NDUFA5: variants seen among roughly 807,000 people sequenced by gnomAD.
NDUFA5 encodes NADH:ubiquinone oxidoreductase subunit A5.
NDUFA5 carries 11 observed loss-of-function variants against 19.8 expected under a neutral mutation model. The ratio of observed to expected loss-of-function variants is 0.56; its 90% CI spans 0.35 to 0.92. The LOEUF (loss-of-function observed/expected upper bound fraction) is 0.92. NDUFA5 is among the 40% of genes least tolerant of loss of function. The pLI is 0.01. For synonymous variants in NDUFA5, 47 were observed against 46.8 expected (o/e 1.00, Z -0.01); for missense variants, 109 against 134.2 (o/e 0.81, Z 0.93).
chr7:123,565,885 G>A, the NDUFA5 span, among the ~76,000 whole-genome samples: 1 of 152,158 alleles, frequency 6.6e-6, no homozygotes, highest in Admixed American at 6.5e-5. Context: ...CAGGCGTGGT[G>A]GCACGCACCT....
At chr7:123,601,552 T>C in the NDUFA5 span, among the ~76,000 whole-genome samples, 1 of 152,194 alleles carries the variant, frequency 6.6e-6, no homozygotes, top group African/African-American at 2.4e-5. Flanking sequence ...CAAATACCTT[T>C]AAATTGTGCG....
chr7:123,542,280 GAAC>G (rs1000741700), intron 4 of NDUFA5, 60 bp from the exon 5 acceptor site: 17 of 1,252,138 alleles, frequency 1.4e-5, no homozygotes, highest in Middle Eastern at 1.9e-4. Context: ...ATATTTATCA[GAAC>G]AACTGAAATT....
At chr7:123,599,118 T>C in the NDUFA5 span, among the ~76,000 whole-genome samples, 1 of 151,798 alleles carries the variant, frequency 6.6e-6, no homozygotes. Context: ...AATGGTCAAG[T>C]ACAAAAAAGA....
At chr7:123,557,990 G>A, upstream of NDUFA5, 1 of 831,684 alleles carries the variant, frequency 1.2e-6, no homozygotes. Flanking sequence ...GGGCATACAA[G>A]CCTAAAGCTA....
the NDUFA5 span, among the ~76,000 whole-genome samples, chr7:123,572,685 C>G: frequency 6.7e-6 from 1 of 149,674 alleles, no homozygotes; most frequent in Non-Finnish European, 1.5e-5. Context: ...TAAACATTTT[C>G]TTAATATATT....
the NDUFA5 span, among the ~76,000 whole-genome samples, chr7:123,600,383 A>G: frequency 6.6e-6 from 1 of 152,322 alleles, no homozygotes; most frequent in South Asian, 2.1e-4. Flanking sequence ...TACCATCATT[A>G]GTTTAAGAGC....
the NDUFA5 span, among the ~76,000 whole-genome samples, chr7:123,575,816 CT>C: frequency 5.9e-4 from 81 of 136,792 alleles, no homozygotes; most frequent in Non-Finnish European, 6.9e-4. Context: ...ATGAAGTTTT[CT>C]TTTTTTTTTT....
chr7:123,571,113 A>G, the NDUFA5 span, among the ~76,000 whole-genome samples: 1 of 152,202 alleles, frequency 6.6e-6, no homozygotes, highest in African/African-American at 2.4e-5. Flanking sequence ...TTTAAGGAAT[A>G]AATGATCATT....
In NDUFA5 at chr7:123,557,817, A is replaced by G; in HGVS notation, c.-22T>C. 6.2e-7 allele frequency: 1 copy of G among 1,614,066 alleles called. No homozygotes were observed. On this transcript the variant is annotated 5_prime_UTR_variant, in exon 1 of 5. Transcript: ENST00000355749. ...CCATGACAGCGCCAACGACTCGGTG[A>G]CGCACAACCCTTTGGGAACAATTCT...
the NDUFA5 span, among the ~76,000 whole-genome samples, chr7:123,568,452 T>A: frequency 6.8e-6 from 1 of 147,768 alleles, no homozygotes; most frequent in Non-Finnish European, 1.5e-5. Flanking sequence ...CCCGGGAGGG[T>A]GGAGGTTGCA....
At chr7:123,583,352 G>A in the NDUFA5 span, among the ~76,000 whole-genome samples, 1 of 151,918 alleles carries the variant, frequency 6.6e-6, no homozygotes, top group African/African-American at 2.4e-5. Context: ...ATGGGAAGTG[G>A]GAACTAACGG....
At chr7:123,585,912 T>C in the NDUFA5 span, among the ~76,000 whole-genome samples, 1 of 151,820 alleles carries the variant, frequency 6.6e-6, no homozygotes, top group Non-Finnish European at 1.5e-5. Flanking sequence ...CAGAATTTCT[T>C]TTTTCTTAAG....
chr7:123,546,893 CACATAT>C (rs1165824244), intron 3 of NDUFA5: 2 of 422,042 alleles, frequency 4.7e-6, no homozygotes, highest in Non-Finnish European at 9.3e-6. Context: ...GCAAAGACTT[CACATAT>C]ATGATCAAGT....
At chr7:123,581,243 C>A in the NDUFA5 span, among the ~76,000 whole-genome samples, 1 of 151,768 alleles carries the variant, frequency 6.6e-6, no homozygotes, top group Admixed American at 6.6e-5. Context: ...TATGGGAGAT[C>A]TGTAAGCCAC....
chr7:123,551,808 A>G (rs1052403280), intron 2 of NDUFA5, among the ~76,000 whole-genome samples: 2 of 152,174 alleles, frequency 1.3e-5, no homozygotes, highest in African/African-American at 2.4e-5. Context: ...ATCCTCTCCA[A>G]TTTAAATATA....
the NDUFA5 span, among the ~76,000 whole-genome samples, chr7:123,570,264 C>T: frequency 6.6e-6 from 1 of 151,984 alleles, no homozygotes; most frequent in Non-Finnish European, 1.5e-5. Flanking sequence ...TCTAGATCTC[C>T]TGACCTCGTG....
the NDUFA5 span, among the ~76,000 whole-genome samples, chr7:123,566,204 T>C: frequency 1.3e-5 from 2 of 151,938 alleles, no homozygotes; most frequent in South Asian, 4.2e-4. Flanking sequence ...AAGGCAGAGA[T>C]CAGAGTGATG....
In NDUFA5 at chr7:123,549,014, A is replaced by G. The variant is rs117389967; in HGVS notation, c.183+1456T>C. On this transcript the variant is annotated intron_variant, in intron 3 of 4. Transcript: ENST00000355749. ...TACTTACACAGCATTACATTGTAGTATTATAAGTAACCTAGAGATGATTTA... is the reference window on the plus strand; with the variant it reads ...TACTTACACAGCATTACATTGTAGTGTTATAAGTAACCTAGAGATGATTTA... 7.7e-3 allele frequency among the ~76,000 whole-genome samples: 1,066 copies of G among 138,696 alleles called. 20 individuals are homozygous for G. Among genetic ancestry groups the G allele is most frequent in the Admixed American group, 9.5e-3 (131 of 13,792 alleles). 91.0% of individuals were successfully genotyped at this position (138,696 alleles called of 152,430 possible).
chr7:123,550,289 G>T, intron 3 of NDUFA5, 181 bp downstream of exon 3: 1 of 532,472 alleles, frequency 1.9e-6, no homozygotes, highest in Non-Finnish European at 3.3e-6. Context: ...ATGTAACAGA[G>T]GCCTGCATAT....
Sources: gnomAD v4.1 joint callset for allele counts (sites outside exome capture counted in the v4.1 genomes callset) on GRCh38, gnomAD v4.1.1 for gene constraint, MANE v1.5 for transcripts, NCBI Gene and HGNC (gene_info 2026-07-23, HGNC 2026-07-21) for gene names.